The following DAB2IP variants were observed in gnomAD, a reference collection of about 807,000 sequenced individuals.
The protein encoded by DAB2IP is DAB2 interacting protein.
DAB2IP carries 28 observed loss-of-function variants against 107.2 expected under a neutral mutation model. The observed-to-expected ratio is 0.26, with a 90% CI of 0.19 to 0.36. The LOEUF (loss-of-function observed/expected upper bound fraction) is 0.36. DAB2IP is among the 10% of genes least tolerant of loss of function. DAB2IP has a pLI of 1.00. For synonymous variants in DAB2IP, 755 were observed against 706.4 expected (o/e 1.07, Z -1.09); for missense variants, 1,400 against 1,644.7 (o/e 0.85, Z 2.57).
At chr9:121,636,991 C>G (rs904985736) in intron 1 of DAB2IP, among the ~76,000 whole-genome samples, 6 of 152,156 alleles carry the variant, frequency 3.9e-5, no homozygotes. Flanking sequence ...ACTGTCAGAT[C>G]CTAAAGCCTT....
chr9:121,589,283 G>A (rs1183054479), intron 1 of DAB2IP, among the ~76,000 whole-genome samples: 1 of 152,064 alleles, frequency 6.6e-6, no homozygotes, highest in Non-Finnish European at 1.5e-5. Flanking sequence ...GTCCCTCATG[G>A]TGCAGCCCTG....
At chr9:121,753,871 C>G (rs970778895) in intron 3 of DAB2IP, among the ~76,000 whole-genome samples, 1 of 152,162 alleles carries the variant, frequency 6.6e-6, no homozygotes, top group African/African-American at 2.4e-5. Context: ...CCTTTGGAGC[C>G]TGGGCAGTCT....
At chr9:121,591,182 G>A (rs900672396) in intron 1 of DAB2IP, among the ~76,000 whole-genome samples, 31 of 152,282 alleles carry the variant, frequency 2.0e-4, no homozygotes, top group African/African-American at 7.2e-4. Context: ...AAGAAATGAG[G>A]CTAGGGCCAG....
At chr9:121,675,859 C>A (rs1008658851) in intron 1 of DAB2IP, among the ~76,000 whole-genome samples, 1 of 152,036 alleles carries the variant, frequency 6.6e-6, no homozygotes, top group Non-Finnish European at 1.5e-5. Context: ...GTGGGTGGTG[C>A]GAAGGGGTGA....
intron 1 of DAB2IP, among the ~76,000 whole-genome samples, chr9:121,579,615 C>A (rs1260836461): frequency 6.6e-6 from 1 of 152,142 alleles, no homozygotes; most frequent in Non-Finnish European, 1.5e-5. Flanking sequence ...TCAATACCCT[C>A]CTCCTCTGTG....
intron 1 of DAB2IP, among the ~76,000 whole-genome samples, chr9:121,570,985 T>A (rs1429848358): frequency 6.6e-6 from 1 of 151,980 alleles, no homozygotes; most frequent in Non-Finnish European, 1.5e-5. Flanking sequence ...ATGATTGAAC[T>A]CTTCCTCCTT....
intron 1 of DAB2IP, among the ~76,000 whole-genome samples, chr9:121,610,268 T>A (rs1038538507): frequency 1.3e-5 from 2 of 152,200 alleles, no homozygotes; most frequent in Non-Finnish European, 2.9e-5. Flanking sequence ...CTGCCTCACA[T>A]TGGCTGTGTG....
At position 121,699,450 on chromosome 9, in the gene DAB2IP, CAAT is replaced by C. The variant is rs775289905; in HGVS notation, c.355_357del (p.Asn119del). ...GGAGCGCCGCCGCCGCCGCCGCGGA[CAAT>C]GAGAGGTGAGCCCGCCGCCGCCGCC... On this transcript the variant is annotated inframe_deletion, in exon 3 of 16. Transcript: ENST00000408936. This position sits in a 1 kb window ranked among gnomAD's most constrained non-coding sequence, Gnocchi z 6.2. 1 of 1,421,006 alleles carries C rather than the reference CAAT, an allele frequency of 7.0e-7. No individual in the cohort carries two copies. Among genetic ancestry groups the C allele is most frequent in the South Asian group, 1.4e-5 (1 of 69,888 alleles). 88.0% of individuals were successfully genotyped at this position (1,421,006 alleles called of 1,614,324 possible).
intron 2 of DAB2IP, among the ~76,000 whole-genome samples, chr9:121,688,119 T>C (rs1828978501): frequency 6.6e-6 from 1 of 152,108 alleles, no homozygotes; most frequent in South Asian, 2.1e-4. Flanking sequence ...TCCTCCCCTT[T>C]CCTGGGAGGT....
chr9:121,699,899 C>A lies in DAB2IP; in HGVS notation c.362+441C>A, dbSNP rs1316443439. 6.6e-6 allele frequency among the ~76,000 whole-genome samples: 1 copy of A among 152,222 alleles called. No homozygotes were observed. The highest frequency in any genetic ancestry group is 1.5e-5 in the Non-Finnish European group (1 of 68,038). ...ATTTTCGGCCGGGTTTGGCCGAGAC[C>A]GGGCGCTGCCCGTGGTGAGGGGAAG... On this transcript the variant is annotated intron_variant, in intron 3 of 15. Transcript: ENST00000408936. The surrounding 1 kb of genome is among the most constrained non-coding windows in gnomAD (Gnocchi z 6.2).
intron 1 of DAB2IP, among the ~76,000 whole-genome samples, chr9:121,600,721 C>T (rs561978053): frequency 6.6e-6 from 1 of 152,332 alleles, no homozygotes; most frequent in East Asian, 1.9e-4. Flanking sequence ...ACACCTAGCT[C>T]TGGAGCCCAG....
intron 1 of DAB2IP, among the ~76,000 whole-genome samples, chr9:121,591,396 G>T (rs1830419610): frequency 6.6e-6 from 1 of 152,212 alleles, no homozygotes; most frequent in Non-Finnish European, 1.5e-5. Flanking sequence ...TTGAAGCCAG[G>T]AGGTGGAGGT....
In DAB2IP at chr9:121,772,668, A is replaced by G; in HGVS notation, c.2140A>G (p.Thr714Ala). Reference sequence around the variant, plus strand: ...CGAAAACAAGGACTTGTTTTTTGTCACAAGGTCCTCCGGGGTCCAGCCCTC... The same window carrying G: ...CGAAAACAAGGACTTGTTTTTTGTCGCAAGGTCCTCCGGGGTCCAGCCCTC... Residue 714 changes from threonine to alanine, a missense_variant, in exon 12 of 16, where the codon ACA (threonine) becomes GCA (alanine). Physicochemically the swap from Thr to Ala is moderately conservative, Grantham distance 58. Transcript: ENST00000408936. This position sits in a 1 kb window ranked among gnomAD's most constrained non-coding sequence, Gnocchi z 4.7. The G allele has an allele frequency of 6.2e-7, 1 of 1,613,958 alleles. No individual in the cohort carries two copies. Among genetic ancestry groups the G allele is most frequent in the South Asian group, 1.1e-5 (1 of 91,070 alleles).
At chr9:121,725,230 G>T (rs1364311176) in intron 3 of DAB2IP, among the ~76,000 whole-genome samples, 1 of 152,204 alleles carries the variant, frequency 6.6e-6, no homozygotes, top group Admixed American at 6.5e-5. Context: ...TTCTTAATCA[G>T]CCTATTTCTG....
intron 2 of DAB2IP, among the ~76,000 whole-genome samples, chr9:121,695,322 G>A (rs1392765201): frequency 6.6e-6 from 1 of 152,134 alleles, no homozygotes; most frequent in East Asian, 1.9e-4. Flanking sequence ...GGCAAAAAGA[G>A]GTGGTGGTGC....
At chr9:121,672,263 A>C (rs1292616259) in intron 1 of DAB2IP, among the ~76,000 whole-genome samples, 2 of 151,970 alleles carry the variant, frequency 1.3e-5, no homozygotes, top group Non-Finnish European at 1.5e-5. Context: ...CTTGTTCTAC[A>C]CTCTTGCTGA....
upstream of DAB2IP, among the ~76,000 whole-genome samples, chr9:121,646,900 C>T (rs1196980106): frequency 6.6e-6 from 1 of 152,194 alleles, no homozygotes; most frequent in African/African-American, 2.4e-5. Flanking sequence ...CTTTAGGGAA[C>T]TCACCTACCC....
intron 3 of DAB2IP, among the ~76,000 whole-genome samples, chr9:121,747,857 CAA>C (rs35203556): frequency 2.3e-4 from 30 of 127,960 alleles, no homozygotes; most frequent in Non-Finnish European, 2.0e-4. Context: ...TCCTCCCCCG[CAA>C]AAAAAAAAAA....
chr9:121,569,527 T>A (rs949106274), intron 1 of DAB2IP, among the ~76,000 whole-genome samples: 11 of 152,170 alleles, frequency 7.2e-5, no homozygotes, highest in African/African-American at 2.7e-4. Context: ...GAAACAGAAA[T>A]TAAAACAGAA....
Sources: gnomAD v4.1 joint callset for allele counts (sites outside exome capture counted in the v4.1 genomes callset) on GRCh38, gnomAD v4.1.1 for gene constraint, Gnocchi (gnomAD v3.1) non-coding constraint, MANE v1.5 for transcripts, NCBI Gene and HGNC (gene_info 2026-07-23, HGNC 2026-07-21) for gene names.